The following ITGAV variants were observed in gnomAD, a reference collection of about 807,000 sequenced individuals.
ITGAV encodes integrin alpha-V.
ITGAV carries 76 observed loss-of-function variants against 143.8 expected under a neutral mutation model. That is an observed-to-expected ratio of 0.53 (90% CI 0.44 to 0.64). The LOEUF (loss-of-function observed/expected upper bound fraction) is 0.64, where lower values mean the gene tolerates loss of function less well. ITGAV is among the 30% of genes least tolerant of loss of function. The pLI is 0.00. For synonymous variants in ITGAV, 453 were observed against 446.7 expected (o/e 1.01, Z -0.18); for missense variants, 1,193 against 1,274.7 (o/e 0.94, Z 0.98).
rs750861648 is a variant in ITGAV at position 186,659,001 on chromosome 2, T to A, written c.1720-37T>A. The A allele has an allele frequency of 2.6e-6, 4 of 1,554,670 alleles. No homozygotes were observed. In the Admixed American group the frequency reaches 7.1e-5, roughly 28 times the overall value. ...ATGGATTTCTCCAGATAATTTAGGT[T>A]GACGTTATCATTAATTCAAAGCGTT... is the stretch of plus-strand genomic sequence containing the variant. On this transcript the variant is annotated intron_variant, in intron 17 of 29. Coordinates refer to ENST00000261023, the MANE Select transcript of ITGAV (RefSeq NM_002210.5).
intron 4 of ITGAV, among the ~76,000 whole-genome samples, chr2:186,626,252 C>A (rs1201937315): frequency 6.6e-6 from 1 of 152,160 alleles, no homozygotes; most frequent in African/African-American, 2.4e-5. Context: ...GAATTAATAT[C>A]ATGGCTAAAG....
chr2:186,678,298 A>G lies in ITGAV; in HGVS notation c.*1006A>G, dbSNP rs1274092922. 3 of 153,620 alleles carry G rather than the reference A, an allele frequency of 2.0e-5. No homozygotes were observed. The highest frequency in any genetic ancestry group is 1.9e-4 in the Admixed American group (3 of 15,446). 9.5% of individuals were successfully genotyped at this position (153,620 alleles called of 1,614,324 possible). On this transcript the variant is annotated 3_prime_UTR_variant, in exon 30 of 30. Transcript: ENST00000261023. ...TTCATGTACTTTTCCTTATATTTCC[A>G]AAACTGTTACTGAGAATGGGTCAAG...
chr2:186,664,400 A>G, intron 19 of ITGAV, 94 bp from the exon 20 acceptor site: 1 of 1,181,692 alleles, frequency 8.5e-7, no homozygotes, highest in Admixed American at 2.0e-5. Flanking sequence ...TGAACATGTC[A>G]GTGCTGTGTA....
rs1212703214 is a variant in ITGAV at position 186,590,516 on chromosome 2, G to A, written c.178G>A (p.Ala60Thr). 1.2e-6 allele frequency: 2 copies of A among 1,610,462 alleles called. No individual in the cohort carries two copies. Among genetic ancestry groups the A allele is most frequent in the Non-Finnish European group, 1.7e-6 (2 of 1,178,834 alleles). ...CGCCGTGGATTTCTTCGTGCCCAGC[G>A]CGTCTTCGTAAGTGGCCGCACTTGG... ...GFAVDFFVPS[A>T]SSRMFLLVGA... Residue 60 changes from alanine to threonine, a missense_variant, in exon 1 of 30, where the codon GCG becomes ACG. Ala to Thr is a moderately conservative substitution (Grantham distance 58). Coordinates refer to ENST00000261023, the MANE Select transcript of ITGAV (RefSeq NM_002210.5).
intron 1 of ITGAV, 132 bp from the exon 2 acceptor site, chr2:186,601,889 C>T (rs1368214152): frequency 3.8e-6 from 3 of 795,630 alleles, no homozygotes; most frequent in Non-Finnish European, 5.7e-6. Context: ...AGATTATGCC[C>T]TCAGTGAATA....
At chr2:186,651,898 T>C in intron 14 of ITGAV, 84 bp from the exon 15 acceptor site, 1 of 709,894 alleles carries the variant, frequency 1.4e-6, no homozygotes, top group South Asian at 1.8e-5. Context: ...ACTATATATG[T>C]AGTGAATATG....
chr2:186,665,117 C>A lies in ITGAV; in HGVS notation c.2074-9C>A. Reference sequence around the variant, plus strand: ...ATCCATTTTTTTTTTTTTTTTTGGTCTATCAAAGGCCTTAGCAAGACTTTC... The same window carrying A: ...ATCCATTTTTTTTTTTTTTTTTGGTATATCAAAGGCCTTAGCAAGACTTTC... On this transcript the variant is annotated splice_polypyrimidine_tract_variant and intron_variant, in intron 20 of 29. Transcript: ENST00000261023. 13 of 1,276,878 alleles carry A rather than the reference C, an allele frequency of 1.0e-5. No individual in the cohort carries two copies. Among genetic ancestry groups the A allele is most frequent in the Non-Finnish European group, 1.4e-5 (13 of 952,276 alleles). 79.1% of individuals were successfully genotyped at this position (1,276,878 alleles called of 1,614,324 possible).
At chr2:186,653,128 G>A (rs1478421002) in intron 15 of ITGAV, among the ~76,000 whole-genome samples, 1 of 151,734 alleles carries the variant, frequency 6.6e-6, no homozygotes, top group African/African-American at 2.4e-5. Flanking sequence ...TGTATTTTTA[G>A]TAGAGACGGG....
intron 1 of ITGAV, among the ~76,000 whole-genome samples, chr2:186,598,409 G>A (rs1162023376): frequency 1.3e-5 from 2 of 150,988 alleles, no homozygotes; most frequent in Non-Finnish European, 2.9e-5. Flanking sequence ...CTTAGTTATG[G>A]GAGGTGGGGA....
In ITGAV at chr2:186,679,416, C is replaced by CA. The variant is rs1274937860; in HGVS notation, c.*2130dup. 6.6e-6 allele frequency: 1 copy of CA among 151,630 alleles called. No individual in the cohort carries two copies. Among genetic ancestry groups the CA allele is most frequent in the Non-Finnish European group, 1.5e-5 (1 of 67,768 alleles). 9.4% of individuals were successfully genotyped at this position (151,630 alleles called of 1,614,324 possible). A position where few individuals can be genotyped will look rare whatever the true frequency, so the allele number is the denominator to read the frequency against. ...TTGTATAATAGCATAGATTTTCCTTCAAAAAATGAACATTTATATATCTAC... is the reference window on the plus strand; with the variant it reads ...TTGTATAATAGCATAGATTTTCCTTCAAAAAAATGAACATTTATATATCTAC... On this transcript the variant is annotated 3_prime_UTR_variant, in exon 30 of 30. Coordinates refer to ENST00000261023, the MANE Select transcript of ITGAV (RefSeq NM_002210.5).
chr2:186,678,546 T>C lies in ITGAV; in HGVS notation c.*1254T>C, dbSNP rs966804214. On this transcript the variant is annotated 3_prime_UTR_variant, in exon 30 of 30. Transcript: ENST00000261023. ...TATTTTTATAAGCAGTTCAAGTTAC[T>C]GAAAACCTTTTAAACCTTTCTGAAG... 3.5e-6 allele frequency: 1 copy of C among 289,850 alleles called. No individual in the cohort carries two copies. Among genetic ancestry groups the C allele is most frequent in the African/African-American group, 2.3e-5 (1 of 44,352 alleles). 18.0% of individuals were successfully genotyped at this position (289,850 alleles called of 1,614,324 possible).
chr2:186,649,971 T>C (rs984010850), intron 14 of ITGAV, 86 bp downstream of exon 14: 4 of 854,598 alleles, frequency 4.7e-6, no homozygotes, highest in Non-Finnish European at 7.1e-6. Context: ...TGAATTTTAG[T>C]TTAATTTTCT....
Position 186,678,033 on chromosome 2 carries a change from C to T in ITGAV, c.*741C>T, listed in dbSNP as rs904176896. 2 of 151,958 alleles carry T rather than the reference C, an allele frequency of 1.3e-5. No individual in the cohort carries two copies. The highest frequency in any genetic ancestry group is 4.8e-5 in the African/African-American group (2 of 41,398). The allele number at this position is 151,958 out of a possible 1,614,324, so 9.4% of individuals were successfully genotyped here. A position where few individuals can be genotyped will look rare whatever the true frequency, so the allele number is the denominator to read the frequency against. ...AAATTAGTTCCATAATCACAAATGGCTCTTTTGTGTAATTGTTTAATTTCA... is the reference window on the plus strand; with the variant it reads ...AAATTAGTTCCATAATCACAAATGGTTCTTTTGTGTAATTGTTTAATTTCA... On this transcript the variant is annotated 3_prime_UTR_variant, in exon 30 of 30. Coordinates refer to ENST00000261023, the MANE Select transcript of ITGAV (RefSeq NM_002210.5).
At chr2:186,602,786 A>G (rs1574460982) in intron 2 of ITGAV, among the ~76,000 whole-genome samples, 1 of 151,222 alleles carries the variant, frequency 6.6e-6, no homozygotes, top group South Asian at 2.1e-4. Flanking sequence ...CTGAGGCAGG[A>G]GAATCTCTTG....
At chr2:186,604,923 C>T (rs1428347860) in intron 2 of ITGAV, among the ~76,000 whole-genome samples, 1 of 152,194 alleles carries the variant, frequency 6.6e-6, no homozygotes, top group African/African-American at 2.4e-5. Context: ...AATTTAACTG[C>T]TTCTTATCAG....
chr2:186,671,208 A>G (rs1043099307), intron 26 of ITGAV, among the ~76,000 whole-genome samples: 5 of 152,118 alleles, frequency 3.3e-5, no homozygotes, highest in Admixed American at 3.3e-4. Context: ...CCTTTTAAAT[A>G]TAGGTCAGGT....
chr2:186,611,925 A>T (rs190928462), intron 2 of ITGAV, among the ~76,000 whole-genome samples: 1 of 152,252 alleles, frequency 6.6e-6, no homozygotes, highest in Non-Finnish European at 1.5e-5. Flanking sequence ...TAAAAAAGGT[A>T]ATGTCTATGA....
intron 2 of ITGAV, among the ~76,000 whole-genome samples, chr2:186,604,847 C>T (rs942746390): frequency 5.3e-5 from 8 of 152,142 alleles, no homozygotes; most frequent in Admixed American, 3.9e-4. Context: ...TTATGGCACT[C>T]CATCCTTTCA....
At chr2:186,618,256 A>G (rs1021414776) in intron 2 of ITGAV, among the ~76,000 whole-genome samples, 1 of 152,244 alleles carries the variant, frequency 6.6e-6, no homozygotes, top group African/African-American at 2.4e-5. Context: ...TGGTAACATG[A>G]GGTTGTAACT....
Sources: gnomAD v4.1 joint callset for allele counts (sites outside exome capture counted in the v4.1 genomes callset) on GRCh38, gnomAD v4.1.1 for gene constraint, MANE v1.5 for transcripts, NCBI Gene and HGNC (gene_info 2026-07-23, HGNC 2026-07-21) for gene names.